PTPRM: variants seen among roughly 807,000 people sequenced by gnomAD.
The protein encoded by PTPRM is receptor-type tyrosine-protein phosphatase mu.
A neutral mutation model predicts 186.7 loss-of-function variants in PTPRM; 47 were observed. The observed-to-expected ratio is 0.25, with a 90% CI of 0.20 to 0.32. The LOEUF (loss-of-function observed/expected upper bound fraction) is 0.32, where lower values mean the gene tolerates loss of function less well. PTPRM is among the 10% of genes least tolerant of loss of function. PTPRM has a pLI of 1.00. For synonymous variants in PTPRM, 668 were observed against 674.9 expected, an observed-to-expected ratio of 0.99 and a Z score of 0.16; for missense variants, 1,494 against 1,865.0, an observed-to-expected ratio of 0.80 and a Z score of 3.66.
chr18:7,796,016 C>T (rs2043623408), intron 2 of PTPRM, among the ~76,000 whole-genome samples: 1 of 151,758 alleles, frequency 6.6e-6, no homozygotes, highest in Non-Finnish European at 1.5e-5. Flanking sequence ...CACTATTTTG[C>T]CCAGGTTGGT....
chr18:7,898,723 C>T (rs540930268), intron 3 of PTPRM, among the ~76,000 whole-genome samples: 5 of 152,320 alleles, frequency 3.3e-5, no homozygotes, highest in Non-Finnish European at 5.9e-5. Context: ...CTCTATTCTA[C>T]ATTTTCTTAC....
At chr18:7,663,083 C>A (rs1019586955) in intron 1 of PTPRM, among the ~76,000 whole-genome samples, 5 of 152,098 alleles carry the variant, frequency 3.3e-5, no homozygotes, top group Admixed American at 3.3e-4. Context: ...AGGACGTGGA[C>A]TCTGAGGGCT....
chr18:7,906,681 T>C (rs542751606), intron 4 of PTPRM, 98 bp downstream of exon 4: 2 of 983,222 alleles, frequency 2.0e-6, no homozygotes, highest in South Asian at 2.7e-5. Context: ...AGAGGTCATC[T>C]TGCCAAGACA....
intron 14 of PTPRM, among the ~76,000 whole-genome samples, chr18:8,239,209 T>C (rs1316634572): frequency 7.3e-6 from 1 of 137,282 alleles, no homozygotes; most frequent in African/African-American, 2.7e-5. Context: ...TGTGTTCTCA[T>C]TGTTCATTTC....
intron 2 of PTPRM, among the ~76,000 whole-genome samples, chr18:7,850,129 C>G (rs1207471489): frequency 6.6e-6 from 1 of 152,040 alleles, no homozygotes; most frequent in Non-Finnish European, 1.5e-5. Flanking sequence ...GATTCATGTA[C>G]CAATATGTCA....
At chr18:7,858,688 A>G (rs1339338012) in intron 2 of PTPRM, among the ~76,000 whole-genome samples, 2 of 152,244 alleles carry the variant, frequency 1.3e-5, no homozygotes, top group Admixed American at 6.5e-5. Flanking sequence ...CAGTGCGTGG[A>G]AATGTTTTGG....
chr18:7,863,900 C>T (rs973271030), intron 2 of PTPRM, among the ~76,000 whole-genome samples: 6 of 152,028 alleles, frequency 3.9e-5, no homozygotes, highest in African/African-American at 7.2e-5. Context: ...TTGTAACTGG[C>T]GTGAGATGGT....
intron 14 of PTPRM, among the ~76,000 whole-genome samples, chr18:8,163,119 T>A (rs1256259307): frequency 6.6e-6 from 1 of 152,242 alleles, no homozygotes; most frequent in Admixed American, 6.5e-5. Flanking sequence ...GTGCCTGAGC[T>A]GAACAGGCTT....
At chr18:7,874,119 A>T (rs1156808841) in intron 2 of PTPRM, among the ~76,000 whole-genome samples, 6 of 142,372 alleles carry the variant, frequency 4.2e-5, no homozygotes, top group African/African-American at 1.5e-4. Flanking sequence ...AAAGTTTTAA[A>T]AAAAAAAATC....
At position 7,907,872 on chromosome 18, in the gene PTPRM, A is replaced by T. The variant is rs530776247; in HGVS notation, c.547+1289A>T. 1.7e-3 allele frequency among the ~76,000 whole-genome samples: 260 copies of T among 151,530 alleles called. 2 individuals are homozygous for T. The highest frequency in any genetic ancestry group is 2.7e-3 in the Admixed American group (41 of 15,154). ...ATGCTAATGAATGGTTTCCAGCCAT[A>T]CAAATTTCTCTGTATTCTTTTTTTT... is the stretch of plus-strand genomic sequence containing the variant. On this transcript the variant is annotated intron_variant, in intron 4 of 32. Coordinates refer to ENST00000580170, the MANE Select transcript of PTPRM (RefSeq NM_001105244.2).
intron 1 of PTPRM, among the ~76,000 whole-genome samples, chr18:7,646,197 G>A (rs2038557460): frequency 6.6e-6 from 1 of 152,148 alleles, no homozygotes; most frequent in South Asian, 2.1e-4. Flanking sequence ...CCTTGCCTGT[G>A]TCCTGCCTGT....
intron 7 of PTPRM, chr18:7,995,930 T>A (rs2083508377): frequency 6.6e-6 from 1 of 152,138 alleles, no homozygotes; most frequent in Non-Finnish European, 1.5e-5. Flanking sequence ...GGGATCCTTG[T>A]GGGGTGGGCT....
At chr18:8,378,915 G>A (rs1457822071) in intron 27 of PTPRM, among the ~76,000 whole-genome samples, 7 of 152,238 alleles carry the variant, frequency 4.6e-5, no homozygotes, top group Admixed American at 4.6e-4. Flanking sequence ...GGGACTTGAG[G>A]GCTCTTAATT....
intron 2 of PTPRM, among the ~76,000 whole-genome samples, chr18:7,797,130 C>T (rs542643964): frequency 3.2e-4 from 49 of 152,126 alleles, no homozygotes; most frequent in Admixed American, 1.0e-3. Context: ...GAAGATGAAA[C>T]GCCTACTTGA....
intron 7 of PTPRM, among the ~76,000 whole-genome samples, chr18:7,984,607 A>ATATATATG (rs1731941454): frequency 1.5e-5 from 2 of 130,120 alleles, no homozygotes; most frequent in African/African-American, 6.2e-5. Flanking sequence ...ATATATACAC[A>ATATATATG]CACACACACA....
rs146118519 is a variant in PTPRM at position 8,084,043 on chromosome 18, G to A, written c.1552-1628G>A. Among the ~76,000 whole-genome samples, 11 of 152,230 alleles carry A rather than the reference G, an allele frequency of 7.2e-5. No individual in the cohort carries two copies. In the East Asian group the frequency reaches 7.7e-4, roughly 11 times the overall value. ...CACTAAGCTAGCCACGGTGGGCAGCGTCAGTCCTCATTTTAATTATACTTT... is the reference window on the plus strand; with the variant it reads ...CACTAAGCTAGCCACGGTGGGCAGCATCAGTCCTCATTTTAATTATACTTT... On this transcript the variant is annotated intron_variant, in intron 9 of 32. Coordinates refer to ENST00000580170, the MANE Select transcript of PTPRM (RefSeq NM_001105244.2).
At chr18:7,641,755 A>C (rs1346766359) in intron 1 of PTPRM, among the ~76,000 whole-genome samples, 1 of 152,250 alleles carries the variant, frequency 6.6e-6, no homozygotes, top group Non-Finnish European at 1.5e-5. Context: ...AAAGCAGTAA[A>C]GAATAGGTGA....
intron 13 of PTPRM, among the ~76,000 whole-genome samples, chr18:8,128,211 A>G (rs2092419456): frequency 6.6e-6 from 1 of 152,216 alleles, no homozygotes; most frequent in South Asian, 2.1e-4. Context: ...AGTAGTGGCT[A>G]ACTTAAAACT....
rs1174939998 is a variant in PTPRM, at chr18:8,067,353, GA to G, written c.1133-2326del. Among the ~76,000 whole-genome samples the G allele has an allele frequency of 1.5e-4, 23 of 151,922 alleles. 1 individual carries two copies. The highest frequency in any genetic ancestry group is 2.2e-4 in the African/African-American group (9 of 41,360). On this transcript the variant is annotated intron_variant, in intron 7 of 32. Transcript: ENST00000580170. The stretch of plus-strand genomic sequence containing the variant: ...AAGTTGTAAAAGTTACTAGTCTAGG[GA>G]AAAAAACCTTCAATGTTATTTCTAA...
Sources: allele counts gnomAD v4.1 joint callset (sites outside exome capture counted in the v4.1 genomes callset), GRCh38; gene constraint gnomAD v4.1.1; transcripts MANE v1.5; gene names NCBI Gene and HGNC (gene_info 2026-07-23, HGNC 2026-07-21).